The following MYH7 variants were observed in gnomAD, a reference collection of about 807,000 sequenced individuals.
MYH7 encodes myosin heavy chain 7, also known as myosin-7.
Under a neutral mutation model 225.4 loss-of-function variants are expected in MYH7, and 129 were observed. That is an observed-to-expected ratio of 0.57 (90% CI 0.50 to 0.66). The LOEUF is 0.66. Ranked by LOEUF, MYH7 falls within the 30% of genes least tolerant of loss-of-function variation. MYH7 has a pLI of 0.00. For missense variants in MYH7, 1,649 were observed against 2,517.0 expected, an observed-to-expected ratio of 0.66 and a Z score of 7.38; for synonymous variants, 971 against 1,007.6, an observed-to-expected ratio of 0.96 and a Z score of 0.69.
In MYH7 at chr14:23,427,249, A is replaced by C. The variant is rs1349708888; in HGVS notation, c.1947T>G (p.Ala649=). The part of the protein sequence containing the change: ...KKGSSFQTVS[A]LHRENLNKLM... The stretch of plus-strand genomic sequence containing the variant: ...GCTGTGTCCCACTCACCCTGTGCAG[A>C]GCTGACACAGTCTGAAAGGACGAGC... Residue 649 remains alanine (A), a synonymous_variant, in exon 17 of 40, where the codon GCT becomes GCG. Coordinates refer to ENST00000355349, the MANE Select transcript of MYH7 (RefSeq NM_000257.4). 6.2e-7 allele frequency: 1 copy of C among 1,613,822 alleles called. No individual in the cohort carries two copies. Among genetic ancestry groups the C allele is most frequent in the South Asian group, 1.1e-5 (1 of 91,078 alleles).
rs1236517740 is a variant in MYH7 at position 23,424,866 on chromosome 14, T to C, written c.2582A>G (p.Glu861Gly). The change falls in exon 22 of 40, where the codon GAG becomes GGG. Residue 861 changes from glutamate to glycine, a missense_variant. Coordinates refer to ENST00000355349, the MANE Select transcript of MYH7 (RefSeq NM_000257.4). ...GCGAGCCTCGGACTTCTCTAGCGCCTCTTTGAGGCGTGTGAACTCCTCCTT... is the reference window on the plus strand; with the variant it reads ...GCGAGCCTCGGACTTCTCTAGCGCCCCTTTGAGGCGTGTGAACTCCTCCTT... ...SMKEEFTRLK[E>G]ALEKSEARRK... The C allele has an allele frequency of 1.2e-6, 2 of 1,614,202 alleles. No homozygotes were observed. Among genetic ancestry groups the C allele is most frequent in the East Asian group, 4.5e-5 (2 of 44,884 alleles).
chr14:23,429,145 G>A (rs760346068), intron 13 of MYH7, 41 bp from the exon 14 acceptor site: 2 of 1,613,994 alleles, frequency 1.2e-6, no homozygotes, highest in African/African-American at 1.3e-5. Context: ...CAGGGTTGTT[G>A]GGAAGAGTGA....
chr14:23,425,830 A>C lies in MYH7; in HGVS notation c.2163-12T>G, dbSNP rs1436861819. The C allele has an allele frequency of 6.2e-7, 1 of 1,613,860 alleles. No homozygotes were observed. The highest frequency in any genetic ancestry group is 8.5e-7 in the Non-Finnish European group (1 of 1,179,888). On this transcript the variant is annotated splice_polypyrimidine_tract_variant and intron_variant, in intron 19 of 39. Coordinates refer to ENST00000355349, the MANE Select transcript of MYH7 (RefSeq NM_000257.4). This position sits in a 1 kb window ranked among gnomAD's most constrained non-coding sequence, Gnocchi z 4.6. ...TCAGGATGCGATACCTGAGGAGGGA[A>C]GTGTCCAGAGTCACCCATGCTCTGC...
chr14:23,420,151 A>T lies in MYH7; in HGVS notation c.3420T>A (p.Ser1140=). The change falls in exon 27 of 40, where the codon TCT becomes TCA. Residue 1140 remains serine, a synonymous_variant. Transcript: ENST00000355349. ...GCTCGCTGATCTCCTCCAGCTCCCG[A>T]GACAGGTCTGAGCGCAGCTTCTCCA... is the stretch of plus-strand genomic sequence containing the variant. The part of the protein sequence containing the change: ...AKVEKLRSDL[S]RELEEISERL... The T allele has an allele frequency of 1.2e-6, 2 of 1,604,702 alleles. No homozygotes were observed. The highest frequency in any genetic ancestry group is 1.7e-6 in the Non-Finnish European group (2 of 1,177,756).
chr14:23,419,307 C>T lies in MYH7; in HGVS notation c.3854-12G>A. 3.7e-6 allele frequency: 6 copies of T among 1,614,072 alleles called. No homozygotes were observed. The highest frequency in any genetic ancestry group is 5.1e-6 in the Non-Finnish European group (6 of 1,179,968). On this transcript the variant is annotated splice_polypyrimidine_tract_variant and intron_variant, in intron 28 of 39. Coordinates refer to ENST00000355349, the MANE Select transcript of MYH7 (RefSeq NM_000257.4). ...CCGGGACAGCTCACCTGGGGAAGCA[C>T]CATTCTAGATCAGCACTCCTCTCTA...
chr14:23,429,122 G>C lies in MYH7; in HGVS notation c.1258-18C>G. 1 of 1,614,208 alleles carries C rather than the reference G, an allele frequency of 6.2e-7. No individual in the cohort carries two copies. Among genetic ancestry groups the C allele is most frequent in the Non-Finnish European group, 8.5e-7 (1 of 1,180,046 alleles). On this transcript the variant is annotated intron_variant, in intron 13 of 39. Transcript: ENST00000355349. ...TATATCACCTGCAAGGTGGAGGAGA[G>C]ACCCATATTGAGCAGGGTTGTTGGG... is the stretch of plus-strand genomic sequence containing the variant.
chr14:23,430,888 G>T lies in MYH7; in HGVS notation c.895+13C>A. 2 of 1,593,502 alleles carry T rather than the reference G, an allele frequency of 1.3e-6. No homozygotes were observed. Among genetic ancestry groups the T allele is most frequent in the Non-Finnish European group, 1.7e-6 (2 of 1,161,286 alleles). ...ATGGAGATAGTTGGTCTCAGTCGGT[G>T]GCTCTGACTCACCCAGCAGCTCAGG... On this transcript the variant is annotated intron_variant, in intron 10 of 39. Coordinates refer to ENST00000355349, the MANE Select transcript of MYH7 (RefSeq NM_000257.4).
Position 23,414,081 on chromosome 14 carries a change from G to A in MYH7, c.5581C>T (p.Leu1861=). The change falls in exon 38 of 40, where the codon CTG becomes TTG. Residue 1861 remains leucine (L), a synonymous_variant. Transcript: ENST00000355349. Reference sequence around the variant, plus strand: ...TCTACCAGGTCCTGCAGCCGCAGCAGGTTTTTCCTGTCCTCCTCCGTCTGG... The same window carrying A: ...TCTACCAGGTCCTGCAGCCGCAGCAAGTTTTTCCTGTCCTCCTCCGTCTGG... ...TYQTEEDRKN[L]LRLQDLVDKL... 1 of 1,613,506 alleles carries A rather than the reference G, an allele frequency of 6.2e-7. No individual in the cohort carries two copies. Among genetic ancestry groups the A allele is most frequent in the Non-Finnish European group, 8.5e-7 (1 of 1,180,016 alleles).
In MYH7 at chr14:23,422,574, C is replaced by CCTTTCTTTCTTT. The variant is rs138565959; in HGVS notation, c.3100-261_3100-250dup. ...CAAAGCCGTATTCTTTCTTTCTTTC[C>CCTTTCTTTCTTT]CTTTCTTTCTTTCTTTCTTTCTCTC... On this transcript the variant is annotated intron_variant, in intron 24 of 39. Transcript: ENST00000355349. Among the ~76,000 whole-genome samples, 28 of 146,860 alleles carry CCTTTCTTTCTTT rather than the reference C, an allele frequency of 1.9e-4. 1 individual carries two copies. The highest frequency in any genetic ancestry group is 6.1e-4 in the Admixed American group (9 of 14,824).
chr14:23,421,136 TAA>T, intron 25 of MYH7, 88 bp from the exon 26 acceptor site: 1 of 933,710 alleles, frequency 1.1e-6, no homozygotes, highest in Non-Finnish European at 1.8e-6. Context: ...ATGATACAGG[TAA>T]AGAGTAGGAT....
At chr14:23,434,938 C>T (rs780565671) in intron 1 of MYH7, among the ~76,000 whole-genome samples, 10 of 152,042 alleles carry the variant, frequency 6.6e-5, no homozygotes, top group East Asian at 3.9e-4. Flanking sequence ...TACCTCAATC[C>T]GCACCCCAAC....
rs1892908937 is a variant in MYH7, at chr14:23,430,935, G to A, written c.861C>T (p.Tyr287=). ...CAGGCTTTTTGTTAGACAGGATTTGGTAGAAAATGTGATAATCTCTCTCTG... is the reference window on the plus strand; with the variant it reads ...CAGGCTTTTTGTTAGACAGGATTTGATAGAAAATGTGATAATCTCTCTCTG... The part of the protein sequence containing the change: ...LKAERDYHIF[Y]QILSNKKPEL... The change falls in exon 10 of 40, where the codon TAC becomes TAT. Residue 287 remains tyrosine, a synonymous_variant. Transcript: ENST00000355349. The A allele has an allele frequency of 6.2e-7, 1 of 1,614,052 alleles. No individual in the cohort carries two copies. The highest frequency in any genetic ancestry group is 8.5e-7 in the Non-Finnish European group (1 of 1,179,904).
At chr14:23,414,850 G>C in intron 37 of MYH7, 145 bp downstream of exon 37, 4 of 1,383,782 alleles carry the variant, frequency 2.9e-6, no homozygotes, top group Non-Finnish European at 4.0e-6. Context: ...CATTCAGAGT[G>C]GGGCAGGGCT....
intron 1 of MYH7, among the ~76,000 whole-genome samples, chr14:23,435,276 G>A (rs1471195800): frequency 6.6e-6 from 1 of 151,882 alleles, no homozygotes; most frequent in Non-Finnish European, 1.5e-5. Context: ...TCACAGACGT[G>A]ATCATACACC....
intron 14 of MYH7, 74 bp from the exon 15 acceptor site, chr14:23,428,744 G>C: frequency 1.2e-6 from 2 of 1,610,256 alleles, no homozygotes. Context: ...CCCGTCCACT[G>C]TGCCTGAGCC....
intron 24 of MYH7, among the ~76,000 whole-genome samples, chr14:23,422,652 T>TA (rs1339290596): frequency 6.9e-5 from 9 of 130,900 alleles, no homozygotes; most frequent in East Asian, 2.1e-4. Flanking sequence ...TTTTTTTTTT[T>TA]ATGGAGTCTC....
chr14:23,412,890 G>A lies in MYH7; in HGVS notation c.5791-19C>T. ...TCAAGCCCTTTTGAAAGGAAACAAA[G>A]TCCAATCAGTCCTTGGAGAGATGGT... is the stretch of plus-strand genomic sequence containing the variant. On this transcript the variant is annotated intron_variant, in intron 39 of 39. Transcript: ENST00000355349. 1 of 1,613,318 alleles carries A rather than the reference G, an allele frequency of 6.2e-7. No individual in the cohort carries two copies. Among genetic ancestry groups the A allele is most frequent in the Non-Finnish European group, 8.5e-7 (1 of 1,179,390 alleles).
chr14:23,429,959 A>G (rs1817294263), intron 11 of MYH7, 46 bp from the exon 12 acceptor site: 1 of 1,610,216 alleles, frequency 6.2e-7, no homozygotes, highest in Non-Finnish European at 8.5e-7. Flanking sequence ...AAGAAGTATG[A>G]TGGGTAAGTG....
chr14:23,414,124 G>C (rs749520200), intron 37 of MYH7, 22 bp from the exon 38 acceptor site: 3 of 1,605,638 alleles, frequency 1.9e-6, no homozygotes. Context: ...AGGGTAGGCA[G>C]GGGGTGAAGA....
Sources: gnomAD v4.1 joint callset for allele counts (sites outside exome capture counted in the v4.1 genomes callset) on GRCh38, gnomAD v4.1.1 for gene constraint, Gnocchi (gnomAD v3.1) non-coding constraint, MANE v1.5 for transcripts, NCBI Gene and HGNC (gene_info 2026-07-23, HGNC 2026-07-21) for gene names.